The following LYL1 variants were observed in gnomAD, a reference collection of about 807,000 sequenced individuals.
LYL1 encodes protein lyl-1.
Under a neutral mutation model 11.1 loss-of-function variants are expected in LYL1, and 4 were observed. That is an observed-to-expected ratio of 0.36 (90% CI 0.18 to 0.82). The LOEUF is 0.82. Among genes scored for constraint, LYL1 ranks in the 40% least tolerant of loss-of-function variants. LYL1 has a pLI of 0.49. For missense variants in LYL1, 356 were observed against 397.6 expected, an observed-to-expected ratio of 0.90 and a Z score of 0.89; for synonymous variants, 179 against 174.8, an observed-to-expected ratio of 1.02 and a Z score of -0.19.
At position 13,100,741 on chromosome 19, in the gene LYL1, T is replaced by A. The variant is rs1382577578; in HGVS notation, c.343A>T (p.Ile115Phe). ...HPHPFLNSVY[I>F]GPAGPFSIFP... The stretch of plus-strand genomic sequence containing the variant: ...ATGCTAAAAGGTCCTGCTGGCCCAA[T>A]GTAGACACTGTAAGGGGTCGTGGGT... Residue 115 changes from isoleucine (I) to phenylalanine (F), a missense_variant, in exon 3 of 4, where the codon ATT (isoleucine) becomes TTT (phenylalanine). Physicochemically the swap from Ile to Phe is conservative, Grantham distance 21. Transcript: ENST00000264824. The A allele has an allele frequency of 6.2e-7, 1 of 1,614,146 alleles. No individual in the cohort carries two copies. Among genetic ancestry groups the A allele is most frequent in the East Asian group, 2.2e-5 (1 of 44,884 alleles).
At position 13,100,657 on chromosome 19, in the gene LYL1, C is replaced by T. The variant is rs1659630527; in HGVS notation, c.427G>A (p.Gly143Arg). ...PSHCELDLAE[G>R]HQPQKVARRV... is the part of the protein sequence containing the mutation. ...ACAAGGCACACAAACCCACACTCAC[C>T]CTCAGCCAGGTCCAGCTCACAGTGG... Residue 143 changes from glycine (G) to arginine (R), a missense_variant and splice_region_variant, in exon 3 of 4, where the codon GGG becomes AGG. Transcript: ENST00000264824. The T allele has an allele frequency of 6.2e-7, 1 of 1,614,182 alleles. No homozygotes were observed. The highest frequency in any genetic ancestry group is 8.5e-7 in the Non-Finnish European group (1 of 1,179,998).
rs1183221100 is a variant in LYL1 at position 13,099,793 on chromosome 19, C to G, written c.428-59G>C. 7.5e-7 allele frequency: 1 copy of G among 1,325,132 alleles called. No individual in the cohort carries two copies. Among genetic ancestry groups the G allele is most frequent in the African/African-American group, 1.5e-5 (1 of 65,040 alleles). The allele number at this position is 1,325,132 out of a possible 1,614,324, so 82.1% of individuals were successfully genotyped here. A position where few individuals can be genotyped will look rare whatever the true frequency, so the allele number is the denominator to read the frequency against. ...CCCAAAGGGCGGCCCCTCCTGCCCT[C>G]CCGCTAGACACGCAGCACCCTCGTG... On this transcript the variant is annotated intron_variant, in intron 3 of 3. Transcript: ENST00000264824. The surrounding 1 kb of genome is among the most constrained non-coding windows in gnomAD (Gnocchi z 5.3).
chr19:13,099,579 C>A lies in LYL1; in HGVS notation c.583G>T (p.Ala195Ser). 6.4e-7 allele frequency: 1 copy of A among 1,551,248 alleles called. No homozygotes were observed. Among genetic ancestry groups the A allele is most frequent in the Non-Finnish European group, 8.7e-7 (1 of 1,148,288 alleles). Reference sequence around the variant, plus strand: ...ACCAGGAAGCCGATGTACTTCATGGCTAGGCGGAGCACCTCGTTCTTGCTC... The same window carrying A: ...ACCAGGAAGCCGATGTACTTCATGGATAGGCGGAGCACCTCGTTCTTGCTC... ...KLSKNEVLRL[A>S]MKYIGFLVRL... Residue 195 changes from alanine (A) to serine (S), a missense_variant, in exon 4 of 4, where the codon GCC becomes TCC. Ala to Ser is a moderately conservative substitution (Grantham distance 99). Coordinates refer to ENST00000264824, the MANE Select transcript of LYL1 (RefSeq NM_005583.5). The surrounding 1 kb of genome is among the most constrained non-coding windows in gnomAD (Gnocchi z 5.3).
In LYL1 at chr19:13,100,277, T is replaced by C. The variant is rs185777542; in HGVS notation, c.427+380A>G. On this transcript the variant is annotated intron_variant, in intron 3 of 3. Transcript: ENST00000264824. ...CTAAGTGGCTGTGGTCCTGTGGCTG[T>C]CTTGTGTGTGGTTGTGGTCCTGTGG... is the stretch of plus-strand genomic sequence containing the variant. 2.5e-3 allele frequency among the ~76,000 whole-genome samples: 375 copies of C among 152,274 alleles called. 3 individuals are homozygous for C. The highest frequency in any genetic ancestry group is 8.5e-3 in the African/African-American group (353 of 41,562).
chr19:13,099,818 G>A lies in LYL1; in HGVS notation c.428-84C>T. 7.9e-7 allele frequency: 1 copy of A among 1,265,872 alleles called. No individual in the cohort carries two copies. The highest frequency in any genetic ancestry group is 1.0e-6 in the Non-Finnish European group (1 of 967,080). The allele number at this position is 1,265,872 out of a possible 1,614,324, so 78.4% of individuals were successfully genotyped here. ...CCCGCTAGACACGCAGCACCCTCGTGGGAACTTAAACCCAGGCCATGGGCT... is the reference window on the plus strand; with the variant it reads ...CCCGCTAGACACGCAGCACCCTCGTAGGAACTTAAACCCAGGCCATGGGCT... On this transcript the variant is annotated intron_variant, in intron 3 of 3. Transcript: ENST00000264824. The surrounding 1 kb of genome is among the most constrained non-coding windows in gnomAD (Gnocchi z 5.3).
At position 13,102,330 on chromosome 19, in the gene LYL1, C is replaced by T. The variant is rs1357952976; in HGVS notation, c.-25+201G>A. Reference sequence around the variant, plus strand: ...TTGACATCCCTGTTTGCTCTTGGTTCCAGAGTCCAGGATGTCCCAGCAAGG... The same window carrying T: ...TTGACATCCCTGTTTGCTCTTGGTTTCAGAGTCCAGGATGTCCCAGCAAGG... On this transcript the variant is annotated intron_variant, in intron 1 of 3. Coordinates refer to ENST00000264824, the MANE Select transcript of LYL1 (RefSeq NM_005583.5). The surrounding 1 kb of genome is among the most constrained non-coding windows in gnomAD (Gnocchi z 4.9). The T allele has an allele frequency of 5.0e-6, 1 of 199,804 alleles. No individual in the cohort carries two copies. The highest frequency in any genetic ancestry group is 1.0e-5 in the Non-Finnish European group (1 of 96,610). 12.4% of individuals were successfully genotyped at this position (199,804 alleles called of 1,614,324 possible). A position where few individuals can be genotyped will look rare whatever the true frequency, so the allele number is the denominator to read the frequency against.
At chr19:13,100,247 T>C (rs1003704459) in intron 3 of LYL1, among the ~76,000 whole-genome samples, 51 of 152,188 alleles carry the variant, frequency 3.4e-4, no homozygotes, top group Non-Finnish European at 4.6e-4. Flanking sequence ...TGTGTGGCCG[T>C]GGTCCTAAGT....
rs554286906 is a variant in LYL1, at chr19:13,099,646, C to T, written c.516G>A (p.Glu172=). The T allele has an allele frequency of 1.9e-6, 3 of 1,554,950 alleles. No individual in the cohort carries two copies. The highest frequency in any genetic ancestry group is 2.4e-5 in the East Asian group (1 of 41,494). Residue 172 remains glutamate, a synonymous_variant, in exon 4 of 4, where the codon GAG becomes GAA. Transcript: ENST00000264824. This position sits in a 1 kb window ranked among gnomAD's most constrained non-coding sequence, Gnocchi z 5.3. The part of the protein sequence containing the change: ...RQQNVNGAFA[E]LRKLLPTHPP... Reference sequence around the variant, plus strand: ...GGTGCGTCGGCAGCAGCTTCCTCAGCTCGGCGAAGGCGCCGTTAACGTTCT... The same window carrying T: ...GGTGCGTCGGCAGCAGCTTCCTCAGTTCGGCGAAGGCGCCGTTAACGTTCT...
At position 13,099,614 on chromosome 19, in the gene LYL1, T is replaced by C. The variant is rs1213469987; in HGVS notation, c.548A>G (p.Asp183Gly). 1 of 1,557,048 alleles carries C rather than the reference T, an allele frequency of 6.4e-7. No individual in the cohort carries two copies. The highest frequency in any genetic ancestry group is 1.9e-5 in the Admixed American group (1 of 51,692). Residue 183 changes from aspartate to glycine, a missense_variant, in exon 4 of 4, where the codon GAC becomes GGC. Physicochemically the swap from Asp to Gly is moderately conservative, Grantham distance 94 (BLOSUM62 -1). Transcript: ENST00000264824. This position sits in a 1 kb window ranked among gnomAD's most constrained non-coding sequence, Gnocchi z 5.3. ...LRKLLPTHPPDRKLSKNEVLR... is the reference protein window; with the variant it reads ...LRKLLPTHPPGRKLSKNEVLR... Reference sequence around the variant, plus strand: ...CACCTCGTTCTTGCTCAGCTTCCGGTCGGGCGGGTGCGTCGGCAGCAGCTT... The same window carrying C: ...CACCTCGTTCTTGCTCAGCTTCCGGCCGGGCGGGTGCGTCGGCAGCAGCTT...
At position 13,101,997 on chromosome 19, in the gene LYL1, G is replaced by A. The variant is rs1011438072; in HGVS notation, c.-25+534C>T. On this transcript the variant is annotated intron_variant, in intron 1 of 3. Transcript: ENST00000264824. This position sits in a 1 kb window ranked among gnomAD's most constrained non-coding sequence, Gnocchi z 5.1. ...AATTTGTTTATTTTTTTAGAGACAG[G>A]GTCTCCCTCTGTTGTCCAGGCTGGA... The A allele has an allele frequency of 4.4e-6, 1 of 225,608 alleles. No individual in the cohort carries two copies. The highest frequency in any genetic ancestry group is 1.8e-4 in the South Asian group (1 of 5,530). 14.0% of individuals were successfully genotyped at this position (225,608 alleles called of 1,614,324 possible).
chr19:13,099,476 CGGTGCACCG>C lies in LYL1; in HGVS notation c.677_685del (p.Pro226_His228del). On this transcript the variant is annotated inframe_deletion, in exon 4 of 4. Transcript: ENST00000264824. The surrounding 1 kb of genome is among the most constrained non-coding windows in gnomAD (Gnocchi z 5.3). ...CCGGCGGGCGCCGTCGTCTGGGACC[CGGTGCACCG>C]GCCGTTTGCGAGGCCCGGGAGGGGT... 1.5e-6 allele frequency: 2 copies of C among 1,296,998 alleles called. No individual in the cohort carries two copies. The highest frequency in any genetic ancestry group is 5.0e-5 in the South Asian group (2 of 39,872). 80.3% of individuals were successfully genotyped at this position (1,296,998 alleles called of 1,614,324 possible). A position where few individuals can be genotyped will look rare whatever the true frequency, so the allele number is the denominator to read the frequency against.
chr19:13,102,054 C>G lies in LYL1; in HGVS notation c.-25+477G>C, dbSNP rs1300829420. Reference sequence around the variant, plus strand: ...TGGTGCAATCATAGTGCACTGCAGCCTCAAATTCCTGGGCTCGAGCCATCC... The same window carrying G: ...TGGTGCAATCATAGTGCACTGCAGCGTCAAATTCCTGGGCTCGAGCCATCC... On this transcript the variant is annotated intron_variant, in intron 1 of 3. Coordinates refer to ENST00000264824, the MANE Select transcript of LYL1 (RefSeq NM_005583.5). This position sits in a 1 kb window ranked among gnomAD's most constrained non-coding sequence, Gnocchi z 4.9. 3 of 217,334 alleles carry G rather than the reference C, an allele frequency of 1.4e-5. No individual in the cohort carries two copies. In the Admixed American group the frequency reaches 1.7e-4, roughly 13 times the overall value. The allele number at this position is 217,334 out of a possible 1,614,324, so 13.5% of individuals were successfully genotyped here. A position where few individuals can be genotyped will look rare whatever the true frequency, so the allele number is the denominator to read the frequency against.
Position 13,099,401 on chromosome 19 carries a change from G to A in LYL1, c.761C>T (p.Pro254Leu). ...EAAARSQPAP[P>L]ADPDGSPGGA... The stretch of plus-strand genomic sequence containing the variant: ...ACCGGGGCTGCCGTCGGGGTCGGCC[G>A]GGGGCGCGGGCTGCGAGCGCGCTGC... Residue 254 changes from proline to leucine, a missense_variant, in exon 4 of 4, where the codon CCG becomes CTG. By Grantham distance (98) the Pro-to-Leu change is moderately conservative (BLOSUM62 -3). Transcript: ENST00000264824. This position sits in a 1 kb window ranked among gnomAD's most constrained non-coding sequence, Gnocchi z 5.3. The A allele has an allele frequency of 8.0e-7, 1 of 1,243,812 alleles. No individual in the cohort carries two copies. The highest frequency in any genetic ancestry group is 1.0e-6 in the Non-Finnish European group (1 of 990,138). 77.0% of individuals were successfully genotyped at this position (1,243,812 alleles called of 1,614,324 possible).
Position 13,101,173 on chromosome 19 carries a change from GA to G in LYL1, c.-3del, listed in dbSNP as rs775208969. On this transcript the variant is annotated 5_prime_UTR_variant, in exon 2 of 4. Transcript: ENST00000264824. This position sits in a 1 kb window ranked among gnomAD's most constrained non-coding sequence, Gnocchi z 5.1. ...TGCCTGTGCCTGAGGCGGGCACATGGACCCCGACGTGGGGGTACTCACCTGT... is the reference window on the plus strand; with the variant it reads ...TGCCTGTGCCTGAGGCGGGCACATGGCCCCGACGTGGGGGTACTCACCTGT... 90 of 1,437,292 alleles carry G rather than the reference GA, an allele frequency of 6.3e-5. No individual in the cohort carries two copies. The highest frequency in any genetic ancestry group is 6.8e-5 in the Non-Finnish European group (75 of 1,096,362). 89.0% of individuals were successfully genotyped at this position (1,437,292 alleles called of 1,614,324 possible). A position where few individuals can be genotyped will look rare whatever the true frequency, so the allele number is the denominator to read the frequency against.
chr19:13,100,341 G>A (rs1434074879), intron 3 of LYL1, among the ~76,000 whole-genome samples: 1 of 152,204 alleles, frequency 6.6e-6, no homozygotes, highest in Non-Finnish European at 1.5e-5. Context: ...GCTGTCTTGC[G>A]TGGCTGCACA....
In LYL1 at chr19:13,100,693, G is replaced by A. The variant is rs1469346959; in HGVS notation, c.391C>T (p.Arg131Trp). The part of the protein sequence containing the change: ...FSIFPSSRLK[R>W]RPSHCELDLA... ...TCCAGCTCACAGTGGCTTGGTCTCC[G>A]CTTCAACCGGCTGCTAGGGAAGATG... Residue 131 changes from arginine to tryptophan, a missense_variant, in exon 3 of 4, where the codon CGG becomes TGG. Transcript: ENST00000264824. 1.9e-6 allele frequency: 3 copies of A among 1,614,206 alleles called. No homozygotes were observed. The highest frequency in any genetic ancestry group is 2.5e-6 in the Non-Finnish European group (3 of 1,180,030).
chr19:13,101,305 G>T lies in LYL1; in HGVS notation c.-24-110C>A. ...AGGAGGGAGGGGGAGGGGGAAAGGAGGAGGAGAGAAGTTTCAGTAGGCAAA... is the reference window on the plus strand; with the variant it reads ...AGGAGGGAGGGGGAGGGGGAAAGGATGAGGAGAGAAGTTTCAGTAGGCAAA... On this transcript the variant is annotated intron_variant, in intron 1 of 3. Coordinates refer to ENST00000264824, the MANE Select transcript of LYL1 (RefSeq NM_005583.5). This position sits in a 1 kb window ranked among gnomAD's most constrained non-coding sequence, Gnocchi z 5.1. 2.3e-6 allele frequency: 1 copy of T among 437,876 alleles called. No individual in the cohort carries two copies. Among genetic ancestry groups the T allele is most frequent in the Non-Finnish European group, 3.9e-6 (1 of 253,184 alleles). 27.1% of individuals were successfully genotyped at this position (437,876 alleles called of 1,614,324 possible).
At position 13,101,606 on chromosome 19, in the gene LYL1, T is replaced by G. The variant is rs1045727699; in HGVS notation, c.-24-411A>C. The stretch of plus-strand genomic sequence containing the variant: ...ACCCTGTTATCCTCAGATCTAAAGA[T>G]CCAACCCAGAGACTCCTCATTAACT... On this transcript the variant is annotated intron_variant, in intron 1 of 3. Coordinates refer to ENST00000264824, the MANE Select transcript of LYL1 (RefSeq NM_005583.5). The surrounding 1 kb of genome is among the most constrained non-coding windows in gnomAD (Gnocchi z 5.1). The G allele has an allele frequency of 1.3e-5, 3 of 227,412 alleles. No homozygotes were observed. The highest frequency in any genetic ancestry group is 6.7e-5 in the African/African-American group (3 of 44,864). The allele number at this position is 227,412 out of a possible 1,614,324, so 14.1% of individuals were successfully genotyped here.
Position 13,099,553 on chromosome 19 carries a change from C to T in LYL1, c.609G>A (p.Val203=). The T allele has an allele frequency of 1.3e-6, 2 of 1,519,522 alleles. No homozygotes were observed. The highest frequency in any genetic ancestry group is 8.8e-7 in the Non-Finnish European group (1 of 1,131,226). The allele number at this position is 1,519,522 out of a possible 1,614,324, so 94.1% of individuals were successfully genotyped here. Residue 203 remains valine, a synonymous_variant, in exon 4 of 4, where the codon GTG becomes GTA. Transcript: ENST00000264824. The surrounding 1 kb of genome is among the most constrained non-coding windows in gnomAD (Gnocchi z 5.3). The part of the protein sequence containing the change: ...RLAMKYIGFL[V]RLLRDQAAAL... ...CTGCGGCTTGGTCGCGCAGCAGCCG[C>T]ACCAGGAAGCCGATGTACTTCATGG...
Sources: gnomAD v4.1 joint callset for allele counts (sites outside exome capture counted in the v4.1 genomes callset) on GRCh38, gnomAD v4.1.1 for gene constraint, Gnocchi (gnomAD v3.1) non-coding constraint, MANE v1.5 for transcripts, NCBI Gene and HGNC (gene_info 2026-07-23, HGNC 2026-07-21) for gene names.